CAMTA1: variants seen among roughly 807,000 people sequenced by gnomAD.
CAMTA1 encodes calmodulin binding transcription activator 1.
Under a neutral mutation model 170.9 loss-of-function variants are expected in CAMTA1, and 27 were observed. The observed-to-expected ratio is 0.16, with a 90% confidence interval of 0.12 to 0.22. The LOEUF (loss-of-function observed/expected upper bound fraction) is 0.22. Among genes scored for constraint, CAMTA1 ranks in the 10% least tolerant of loss-of-function variants. The pLI is 1.00. For synonymous variants in CAMTA1, 833 were observed against 891.5 expected (o/e 0.93, Z 1.17); for missense variants, 1,619 against 2,217.2 (o/e 0.73, Z 5.42).
chr1:7,359,569 C>G lies in CAMTA1; in HGVS notation c.439-108261C>G, dbSNP rs77545396. Among the ~76,000 whole-genome samples, 1,436 of 152,322 alleles carry G rather than the reference C, an allele frequency of 9.4e-3. 23 individuals are homozygous for G. Among genetic ancestry groups the G allele is most frequent in the African/African-American group, 0.031 (1,307 of 41,556 alleles). ...GAAGCCTTTACTTAGAATTCAGCTC[C>G]CTCTTCCTGCTCTCCTTCTGCAGTT... On this transcript the variant is annotated intron_variant, in intron 5 of 22. Transcript: ENST00000303635.
At chr1:6,992,232 C>G (rs948329874) in intron 3 of CAMTA1, among the ~76,000 whole-genome samples, 2 of 151,780 alleles carry the variant, frequency 1.3e-5, no homozygotes, top group Non-Finnish European at 2.9e-5. Context: ...ACCAGGCCGG[C>G]TAATTTTTGT....
chr1:7,126,768 AT>A (rs1644953341), intron 4 of CAMTA1, among the ~76,000 whole-genome samples: 1 of 151,926 alleles, frequency 6.6e-6, no homozygotes, highest in Non-Finnish European at 1.5e-5. Context: ...CAGGACTGCC[AT>A]TTCTTTTTTA....
At chr1:6,911,462 A>C (rs1288277452) in intron 3 of CAMTA1, among the ~76,000 whole-genome samples, 3 of 152,214 alleles carry the variant, frequency 2.0e-5, no homozygotes, top group Non-Finnish European at 4.4e-5. Context: ...CCAGAAAACA[A>C]AGGCCCTGTG....
chr1:7,162,461 C>T (rs1192362185), intron 4 of CAMTA1, among the ~76,000 whole-genome samples: 2 of 152,096 alleles, frequency 1.3e-5, no homozygotes, highest in Admixed American at 6.5e-5. Context: ...ACTCCCTTTT[C>T]CCCCCAGCCC....
intron 3 of CAMTA1, among the ~76,000 whole-genome samples, chr1:6,992,541 A>G (rs1296031350): frequency 6.6e-6 from 1 of 152,230 alleles, no homozygotes; most frequent in Non-Finnish European, 1.5e-5. Context: ...AGAAAGAAAT[A>G]CCTGAGACTG....
chr1:6,982,550 T>G (rs1694611771), intron 3 of CAMTA1, among the ~76,000 whole-genome samples: 1 of 152,202 alleles, frequency 6.6e-6, no homozygotes, highest in Non-Finnish European at 1.5e-5. Context: ...GTTTCCTGCC[T>G]GAATTTCACC....
intron 5 of CAMTA1, among the ~76,000 whole-genome samples, chr1:7,454,104 CCCCTTT>C (rs1405895930): frequency 6.6e-6 from 1 of 152,230 alleles, no homozygotes; most frequent in Non-Finnish European, 1.5e-5. Context: ...TGACTCTGTC[CCCCTTT>C]CTGTTTGCAC....
Position 7,067,022 on chromosome 1 carries a change from G to A in CAMTA1, c.235-24282G>A, listed in dbSNP as rs975040594. Among the ~76,000 whole-genome samples, 13 of 152,238 alleles carry A rather than the reference G, an allele frequency of 8.5e-5. No individual in the cohort carries two copies. Among genetic ancestry groups the A allele is most frequent in the Non-Finnish European group, 1.2e-4 (8 of 68,046 alleles). On this transcript the variant is annotated intron_variant, in intron 3 of 22. Transcript: ENST00000303635. The surrounding 1 kb of genome is among the most constrained non-coding windows in gnomAD (Gnocchi z 4.3). ...TAAGCAGTTGACTCCTGCTGGATGG[G>A]CACATAAACTGGGTGTCATGTTATT...
At chr1:7,017,151 A>T (rs1008262367) in intron 3 of CAMTA1, among the ~76,000 whole-genome samples, 4 of 152,214 alleles carry the variant, frequency 2.6e-5, no homozygotes, top group Admixed American at 6.5e-5. Context: ...TTCATTTCTC[A>T]GGACCTCCTG....
At chr1:7,599,349 A>T (rs2095423520) in intron 6 of CAMTA1, among the ~76,000 whole-genome samples, 1 of 152,126 alleles carries the variant, frequency 6.6e-6, no homozygotes, top group South Asian at 2.1e-4. Flanking sequence ...GTAGCCTTGT[A>T]GTATAGTTTA....
At chr1:7,646,637 C>G (rs1264815068) in intron 7 of CAMTA1, among the ~76,000 whole-genome samples, 2 of 140,358 alleles carry the variant, frequency 1.4e-5, no homozygotes, top group Non-Finnish European at 1.5e-5. Flanking sequence ...AGCAGAGGCC[C>G]TGGTGAGGTA....
chr1:7,253,619 C>A (rs1027325999), intron 5 of CAMTA1, among the ~76,000 whole-genome samples: 1 of 152,182 alleles, frequency 6.6e-6, no homozygotes, highest in African/African-American at 2.4e-5. Context: ...CACATCCATG[C>A]AAAGTACATG....
At chr1:6,818,086 C>T (rs1193519745) in intron 1 of CAMTA1, among the ~76,000 whole-genome samples, 1 of 152,062 alleles carries the variant, frequency 6.6e-6, no homozygotes, top group East Asian at 1.9e-4. Context: ...CCTGTAATTC[C>T]AGCATTTTGG....
At chr1:7,331,379 T>C (rs1219790946) in intron 5 of CAMTA1, among the ~76,000 whole-genome samples, 1 of 152,238 alleles carries the variant, frequency 6.6e-6, no homozygotes, top group Non-Finnish European at 1.5e-5. Flanking sequence ...AGGACCCCTT[T>C]ATACGCTTAA....
intron 3 of CAMTA1, among the ~76,000 whole-genome samples, chr1:6,859,744 G>A (rs1010438103): frequency 3.3e-5 from 5 of 152,178 alleles, no homozygotes; most frequent in African/African-American, 4.8e-5. Context: ...AGCTGTGATC[G>A]TGCGAGTGCA....
chr1:7,679,318 C>T (rs1033484248), intron 11 of CAMTA1, among the ~76,000 whole-genome samples: 2 of 152,196 alleles, frequency 1.3e-5, no homozygotes, highest in African/African-American at 4.8e-5. Flanking sequence ...TAGGACCCTG[C>T]CTGGCAGATG....
chr1:6,847,893 A>G (rs1272287784), intron 3 of CAMTA1, among the ~76,000 whole-genome samples: 2 of 129,566 alleles, frequency 1.5e-5, no homozygotes, highest in African/African-American at 5.8e-5. Context: ...TTGTATTTTT[A>G]GTAGAGACGG....
chr1:7,373,956 T>A (rs2086662757), intron 5 of CAMTA1, among the ~76,000 whole-genome samples: 1 of 152,208 alleles, frequency 6.6e-6, no homozygotes, highest in African/African-American at 2.4e-5. Context: ...ATGGATGGGA[T>A]GAACAGGAGC....
At chr1:7,601,093 C>A (rs534769373) in intron 6 of CAMTA1, among the ~76,000 whole-genome samples, 8 of 150,290 alleles carry the variant, frequency 5.3e-5, no homozygotes, top group African/African-American at 2.0e-4. Context: ...CCGGAAGGGG[C>A]GGCTGGCCGG....
Sources: allele counts gnomAD v4.1 joint callset (sites outside exome capture counted in the v4.1 genomes callset), GRCh38; gene constraint gnomAD v4.1.1; non-coding constraint Gnocchi (gnomAD v3.1); transcripts MANE v1.5; gene names NCBI Gene and HGNC (gene_info 2026-07-23, HGNC 2026-07-21).